OTUD7A: variants seen among roughly 807,000 people sequenced by gnomAD.
The protein encoded by OTUD7A is OTU deubiquitinase 7A.
OTUD7A carries 12 observed loss-of-function variants against 65.7 expected under a neutral mutation model. The observed-to-expected ratio is 0.18, with a 90% CI of 0.12 to 0.30. The LOEUF (loss-of-function observed/expected upper bound fraction) is 0.30. OTUD7A is among the 10% of genes least tolerant of loss of function. OTUD7A has a pLI of 1.00. For missense variants in OTUD7A, 1,148 were observed against 1,304.8 expected (o/e 0.88, Z 1.85); for synonymous variants, 641 against 586.3 (o/e 1.09, Z -1.35).
chr15:31,757,429 T>TATACCACTCCTAGTACC (rs1894846738), intron 1 of OTUD7A, among the ~76,000 whole-genome samples: 1 of 151,764 alleles, frequency 6.6e-6, no homozygotes, highest in Non-Finnish European at 1.5e-5. Context: ...TAGATCTCAC[T>TATACCACTCCTAGTACC]ATACCACTCC....
At chr15:31,677,156 C>G (rs1370895811) in intron 1 of OTUD7A, among the ~76,000 whole-genome samples, 1 of 152,196 alleles carries the variant, frequency 6.6e-6, no homozygotes, top group Non-Finnish European at 1.5e-5. Context: ...TCTCCCTTAT[C>G]TCTTATTTGC....
intron 1 of OTUD7A, among the ~76,000 whole-genome samples, chr15:31,772,080 G>A (rs1421934668): frequency 2.0e-5 from 3 of 151,354 alleles, no homozygotes; most frequent in Non-Finnish European, 4.4e-5. Flanking sequence ...GTGAAACCCC[G>A]TCTCTACTAA....
chr15:31,597,878 C>G (rs781615940), intron 3 of OTUD7A, among the ~76,000 whole-genome samples: 2 of 152,238 alleles, frequency 1.3e-5, no homozygotes, highest in African/African-American at 4.8e-5. Flanking sequence ...CATAGAGGGG[C>G]TGCTGGGCTT....
At chr15:31,810,168 A>G (rs4312273) in intron 1 of OTUD7A, among the ~76,000 whole-genome samples, 142,538 of 152,222 alleles carry the variant, frequency 0.94, 67,444 homozygotes, top group East Asian at 1. Context: ...ACAGCAGCCC[A>G]GCACACTCAT....
In OTUD7A at chr15:31,709,756, G is replaced by C. The variant is rs1339328781; in HGVS notation, c.-99-52679C>G. The stretch of plus-strand genomic sequence containing the variant: ...TGCAGGCCTGCTGCCCATGAAAGAG[G>C]ACTGTGCAGCTGCCTTAAAAAATGT... On this transcript the variant is annotated intron_variant, in intron 1 of 12. Transcript: ENST00000307050. 6.2e-4 allele frequency among the ~76,000 whole-genome samples: 94 copies of C among 152,092 alleles called. No individual in the cohort carries two copies. In the East Asian group the frequency reaches 6.8e-3, roughly 11 times the overall value.
chr15:31,643,857 G>A (rs1019290028), intron 3 of OTUD7A, among the ~76,000 whole-genome samples: 10 of 152,262 alleles, frequency 6.6e-5, no homozygotes, highest in African/African-American at 2.4e-4. Context: ...GAGAGTCCTT[G>A]GCAGAACTTC....
At chr15:31,766,147 C>G (rs1034048976) in intron 1 of OTUD7A, 2 of 1,461,560 alleles carry the variant, frequency 1.4e-6, no homozygotes, top group African/African-American at 2.8e-5. Flanking sequence ...ATTTCCTGAT[C>G]ATGATCCATT....
chr15:31,541,623 C>A (rs1037252127), intron 5 of OTUD7A, among the ~76,000 whole-genome samples: 1 of 152,016 alleles, frequency 6.6e-6, no homozygotes, highest in Non-Finnish European at 1.5e-5. Flanking sequence ...TATATCCAAG[C>A]TTGAAAGAAA....
chr15:31,815,145 G>A (rs1469936882), intron 1 of OTUD7A, among the ~76,000 whole-genome samples: 1 of 152,156 alleles, frequency 6.6e-6, no homozygotes, highest in Non-Finnish European at 1.5e-5. Flanking sequence ...CTAGGGTGCT[G>A]TATCTAAATC....
chr15:31,642,826 A>C (rs1289440551), intron 3 of OTUD7A, among the ~76,000 whole-genome samples: 10 of 151,900 alleles, frequency 6.6e-5, no homozygotes, highest in Non-Finnish European at 1.5e-4. Flanking sequence ...ATCTCAAAGA[A>C]CCCACTTTTG....
chr15:31,748,601 G>A (rs773960081), intron 1 of OTUD7A, among the ~76,000 whole-genome samples: 5 of 151,952 alleles, frequency 3.3e-5, no homozygotes, highest in African/African-American at 1.2e-4. Flanking sequence ...TAAAATACAT[G>A]AGAAGGTTTA....
At chr15:31,716,927 T>C (rs181816282) in intron 1 of OTUD7A, among the ~76,000 whole-genome samples, 1 of 152,354 alleles carries the variant, frequency 6.6e-6, no homozygotes, top group African/African-American at 2.4e-5. Flanking sequence ...CTTCTTTAAC[T>C]CTGCCTACTT....
At chr15:31,610,141 G>A (rs979985252) in intron 3 of OTUD7A, among the ~76,000 whole-genome samples, 1 of 152,172 alleles carries the variant, frequency 6.6e-6, no homozygotes, top group South Asian at 2.1e-4. Flanking sequence ...TAAAACAAAA[G>A]CAGAAGTAGC....
intron 1 of OTUD7A, among the ~76,000 whole-genome samples, chr15:31,722,671 G>A (rs1313648546): frequency 6.6e-6 from 1 of 152,226 alleles, no homozygotes; most frequent in African/African-American, 2.4e-5. Context: ...CAGCAGAGTT[G>A]CCACCACCCA....
At chr15:31,637,906 C>T (rs948790648) in intron 3 of OTUD7A, among the ~76,000 whole-genome samples, 1 of 152,150 alleles carries the variant, frequency 6.6e-6, no homozygotes, top group Non-Finnish European at 1.5e-5. Flanking sequence ...AAAGTGGTTT[C>T]TTGAGATGGA....
At chr15:31,746,573 T>G (rs1230019625) in intron 1 of OTUD7A, among the ~76,000 whole-genome samples, 1 of 150,852 alleles carries the variant, frequency 6.6e-6, no homozygotes, top group Non-Finnish European at 1.5e-5. Context: ...CTCGGCTCCC[T>G]GCAACCTCCA....
intron 3 of OTUD7A, among the ~76,000 whole-genome samples, chr15:31,639,405 C>T (rs1270386519): frequency 6.7e-6 from 1 of 149,192 alleles, no homozygotes; most frequent in Non-Finnish European, 1.5e-5. Flanking sequence ...CATTTGTTTA[C>T]CCGTTTACCT....
intron 1 of OTUD7A, among the ~76,000 whole-genome samples, chr15:31,759,103 A>G (rs2140901445): frequency 6.6e-6 from 1 of 152,346 alleles, no homozygotes; most frequent in African/African-American, 2.4e-5. Flanking sequence ...ACTGCAGTCC[A>G]TATCAATGTG....
At chr15:31,635,814 C>G (rs1464094927) in intron 3 of OTUD7A, among the ~76,000 whole-genome samples, 1 of 152,234 alleles carries the variant, frequency 6.6e-6, no homozygotes, top group Non-Finnish European at 1.5e-5. Flanking sequence ...ACAGCTGTGG[C>G]TACAAACGGG....
Sources: allele counts gnomAD v4.1 joint callset (sites outside exome capture counted in the v4.1 genomes callset), GRCh38; gene constraint gnomAD v4.1.1; transcripts MANE v1.5; gene names NCBI Gene and HGNC (gene_info 2026-07-23, HGNC 2026-07-21).